DNAI4: variants seen among roughly 807,000 people sequenced by gnomAD.
The protein encoded by DNAI4 is WD repeat domain 78.
A neutral mutation model predicts 105.8 loss-of-function variants in DNAI4; 85 were observed. The ratio of observed to expected loss-of-function variants is 0.80; its 90% confidence interval spans 0.67 to 0.96. DNAI4 has a LOEUF of 0.96. Ranked by LOEUF, DNAI4 falls within the 40% of genes least tolerant of loss-of-function variation. DNAI4 has a pLI of 0.00. For missense variants in DNAI4, 1,014 were observed against 1,005.6 expected (o/e 1.01, Z -0.11); for synonymous variants, 352 against 331.5 (o/e 1.06, Z -0.67).
intron 6 of DNAI4, among the ~76,000 whole-genome samples, chr1:66,865,537 A>C (rs989546254): frequency 3.3e-5 from 5 of 152,362 alleles, no homozygotes; most frequent in Admixed American, 1.3e-4. Flanking sequence ...GGAGGTCAAA[A>C]TATTACCTTT....
At chr1:66,837,904 A>G (rs1017760261) in intron 9 of DNAI4, 108 bp from the exon 10 acceptor site, 8 of 1,087,864 alleles carry the variant, frequency 7.4e-6, no homozygotes, top group African/African-American at 3.3e-5. Flanking sequence ...GTAGTAAGAC[A>G]TTTCATCTGA....
chr1:66,893,059 GAGAGA>G (rs1647909539), intron 3 of DNAI4, among the ~76,000 whole-genome samples, 165 bp downstream of exon 3: 1 of 56,498 alleles, frequency 1.8e-5, no homozygotes, highest in African/African-American at 7.3e-5. Context: ...AAGAAAGAGA[GAGAGA>G]GAAAGAAAGA....
intron 4 of DNAI4, among the ~76,000 whole-genome samples, chr1:66,887,984 A>T (rs1212126498): frequency 1.3e-5 from 2 of 152,074 alleles, no homozygotes; most frequent in African/African-American, 2.4e-5. Flanking sequence ...CTACTACCTA[A>T]TTCTTGCAGT....
intron 1 of DNAI4, among the ~76,000 whole-genome samples, chr1:66,923,361 T>C (rs1158110575): frequency 1.3e-5 from 2 of 152,174 alleles, no homozygotes; most frequent in Admixed American, 1.3e-4. Context: ...TAGAAGATAT[T>C]TGCAAAATGC....
intron 4 of DNAI4, among the ~76,000 whole-genome samples, chr1:66,887,244 G>T (rs565575530): frequency 6.6e-6 from 1 of 152,244 alleles, no homozygotes; most frequent in East Asian, 1.9e-4. Flanking sequence ...CCAGTTTATG[G>T]TAAGTAACTC....
At chr1:66,821,885 T>C (rs575024394) in intron 16 of DNAI4, among the ~76,000 whole-genome samples, 2 of 152,304 alleles carry the variant, frequency 1.3e-5, no homozygotes, top group South Asian at 2.1e-4. Flanking sequence ...GAGTTGTCTG[T>C]CAAAGTTCGA....
intron 2 of DNAI4, among the ~76,000 whole-genome samples, chr1:66,900,518 G>A (rs1648725128): frequency 6.6e-6 from 1 of 152,068 alleles, no homozygotes; most frequent in African/African-American, 2.4e-5. Flanking sequence ...AACAATAGTA[G>A]GTCTTTTGAT....
At chr1:66,821,763 C>A (rs1012030860) in intron 16 of DNAI4, among the ~76,000 whole-genome samples, 4 of 151,396 alleles carry the variant, frequency 2.6e-5, no homozygotes, top group Non-Finnish European at 4.4e-5. Flanking sequence ...CATATTTGTG[C>A]TAATATTTAC....
rs868276070 is a variant in DNAI4, at chr1:66,836,202, A to G, written c.1582-425T>C. 1.9e-3 allele frequency among the ~76,000 whole-genome samples: 97 copies of G among 50,866 alleles called. 1 individual carries two copies. The highest frequency in any genetic ancestry group is 2.7e-3 in the Non-Finnish European group (55 of 20,114). 33.4% of individuals were successfully genotyped at this position (50,866 alleles called of 152,430 possible). ...AAAGAAAGAAAGAAAGAAAGAAAGA[A>G]AGAAAGAGAGAGAGAGAGAGAGAGA... On this transcript the variant is annotated intron_variant, in intron 10 of 16. Coordinates refer to ENST00000371026, the MANE Select transcript of DNAI4 (RefSeq NM_024763.5).
intron 7 of DNAI4, among the ~76,000 whole-genome samples, chr1:66,856,422 G>A (rs987811607): frequency 7.9e-5 from 12 of 151,988 alleles, no homozygotes; most frequent in South Asian, 6.2e-4. Context: ...GTAGTGAGCC[G>A]AGATCGTGCC....
At chr1:66,846,915 C>T (rs530465573) in intron 8 of DNAI4, among the ~76,000 whole-genome samples, 8 of 151,904 alleles carry the variant, frequency 5.3e-5, no homozygotes, top group Non-Finnish European at 1.0e-4. Context: ...ATATGAGATG[C>T]GATTTGTAGC....
At chr1:66,818,670 G>A (rs1645565699) in intron 16 of DNAI4, among the ~76,000 whole-genome samples, 1 of 152,140 alleles carries the variant, frequency 6.6e-6, no homozygotes, top group Admixed American at 6.5e-5. Flanking sequence ...TGTAATCCCA[G>A]CACTTTGGGA....
chr1:66,824,348 C>T (rs1332040353), intron 15 of DNAI4, among the ~76,000 whole-genome samples: 2 of 151,316 alleles, frequency 1.3e-5, no homozygotes, highest in Admixed American at 6.6e-5. Context: ...TAGTGTGATG[C>T]CTCCAGCTTT....
chr1:66,910,229 A>G (rs188084318), intron 1 of DNAI4, among the ~76,000 whole-genome samples: 1 of 152,324 alleles, frequency 6.6e-6, no homozygotes, highest in Non-Finnish European at 1.5e-5. Flanking sequence ...ATATAGAACA[A>G]TAAGATAAAA....
At chr1:66,917,489 T>C (rs982056451) in intron 1 of DNAI4, among the ~76,000 whole-genome samples, 2 of 152,200 alleles carry the variant, frequency 1.3e-5, no homozygotes, top group East Asian at 3.8e-4. Flanking sequence ...AGGATTCTCA[T>C]GGAGAGCTGA....
At chr1:66,876,155 AAGAC>A (rs1293143949) in intron 4 of DNAI4, among the ~76,000 whole-genome samples, 4 of 152,088 alleles carry the variant, frequency 2.6e-5, no homozygotes, top group African/African-American at 4.8e-5. Context: ...AAATTTGACT[AAGAC>A]AGACAAAATG....
chr1:66,924,706 C>A lies in DNAI4; in HGVS notation c.126G>T (p.Met42Ile). ...WCTTPQLVAT[M>I]PVSPAGSHKQ... ...TGTGACTGCCTGCCGGAGAGACTGG[C>A]ATGGTGGCGACCAGCTGGGGAGTGG... is the stretch of plus-strand genomic sequence containing the variant. Residue 42 changes from methionine to isoleucine, a missense_variant, in exon 1 of 17, where the codon ATG becomes ATT. Transcript: ENST00000371026. 3.1e-6 allele frequency: 5 copies of A among 1,614,236 alleles called. No individual in the cohort carries two copies. Among genetic ancestry groups the A allele is most frequent in the Non-Finnish European group, 4.2e-6 (5 of 1,180,046 alleles).
intron 9 of DNAI4, 117 bp downstream of exon 9, chr1:66,840,352 T>G (rs907261826): frequency 7.3e-6 from 7 of 959,650 alleles, no homozygotes; most frequent in African/African-American, 1.6e-5. Context: ...AAACTCAAAG[T>G]TATGGTCAAT....
chr1:66,917,638 T>C (rs769790662), intron 1 of DNAI4, among the ~76,000 whole-genome samples: 5 of 152,254 alleles, frequency 3.3e-5, no homozygotes, highest in African/African-American at 7.2e-5. Context: ...TTTTGAGCTA[T>C]TGACAGCTTT....
Sources: gnomAD v4.1 joint callset for allele counts (sites outside exome capture counted in the v4.1 genomes callset) on GRCh38, gnomAD v4.1.1 for gene constraint, MANE v1.5 for transcripts, NCBI Gene and HGNC (gene_info 2026-07-23, HGNC 2026-07-21) for gene names.